BMPR1A: variants seen among roughly 807,000 people sequenced by gnomAD.
BMPR1A encodes bone morphogenetic protein receptor type 1A.
Under a neutral mutation model 66.0 loss-of-function variants are expected in BMPR1A, and 7 were observed. The observed-to-expected ratio is 0.11, with a 90% confidence interval of 0.06 to 0.20. The LOEUF (loss-of-function observed/expected upper bound fraction) is 0.20. Among genes scored for constraint, BMPR1A ranks in the 10% least tolerant of loss-of-function variants. The pLI is 1.00. For synonymous variants in BMPR1A, 200 were observed against 229.7 expected, an observed-to-expected ratio of 0.87 and a Z score of 1.17; for missense variants, 408 against 669.1, an observed-to-expected ratio of 0.61 and a Z score of 4.31.
intron 2 of BMPR1A, among the ~76,000 whole-genome samples, chr10:86,842,755 A>G (rs1457323431): frequency 6.6e-6 from 1 of 152,200 alleles, no homozygotes; most frequent in African/African-American, 2.4e-5. Context: ...CCTTACAATC[A>G]TGGCAGAAGG....
At chr10:86,859,183 A>G (rs898175923) in intron 2 of BMPR1A, among the ~76,000 whole-genome samples, 1 of 152,200 alleles carries the variant, frequency 6.6e-6, no homozygotes, top group Non-Finnish European at 1.5e-5. Flanking sequence ...TCTTCAATAA[A>G]TGGTGCTGGG....
intron 1 of BMPR1A, among the ~76,000 whole-genome samples, chr10:86,777,772 G>A (rs1841375895): frequency 6.6e-6 from 1 of 151,950 alleles, no homozygotes; most frequent in Non-Finnish European, 1.5e-5. Flanking sequence ...CCAGCACTTT[G>A]GAAGGCTGAG....
intron 5 of BMPR1A, among the ~76,000 whole-genome samples, chr10:86,895,030 G>A (rs1488072549): frequency 6.6e-6 from 1 of 152,154 alleles, no homozygotes; most frequent in East Asian, 1.9e-4. Flanking sequence ...CAAATAGAAG[G>A]CCTGAGGTGT....
chr10:86,789,042 A>T (rs530423044), intron 1 of BMPR1A, among the ~76,000 whole-genome samples: 1 of 152,312 alleles, frequency 6.6e-6, no homozygotes, highest in Non-Finnish European at 1.5e-5. Flanking sequence ...GGGTGTCAGG[A>T]CAATTCTAAG....
intron 2 of BMPR1A, among the ~76,000 whole-genome samples, 151 bp from the exon 3 acceptor site, chr10:86,875,716 C>T (rs2133318845): frequency 6.7e-6 from 1 of 149,466 alleles, no homozygotes; most frequent in East Asian, 1.9e-4. Flanking sequence ...AATTATAGTG[C>T]CTAAAAAAAA....
rs539055459 is a variant in BMPR1A at position 86,816,578 on chromosome 10, A to G, written c.-267-22287A>G. ...AAGTCGACCTACTGGATCAGGAGATACACTTCCTTGTCTTTAATTTCTGTC... is the reference window on the plus strand; with the variant it reads ...AAGTCGACCTACTGGATCAGGAGATGCACTTCCTTGTCTTTAATTTCTGTC... On this transcript the variant is annotated intron_variant, in intron 1 of 12. Transcript: ENST00000372037. Among the ~76,000 whole-genome samples, 14 of 152,334 alleles carry G rather than the reference A, an allele frequency of 9.2e-5. No homozygotes were observed. The South Asian group carries it at 2.9e-3, about 32-fold the overall frequency.
At chr10:86,796,415 A>G (rs1841709911) in intron 1 of BMPR1A, among the ~76,000 whole-genome samples, 1 of 152,038 alleles carries the variant, frequency 6.6e-6, no homozygotes, top group Non-Finnish European at 1.5e-5. Context: ...AATAATGTTC[A>G]TCAATTTACT....
chr10:86,917,889 C>G (rs1843600331), intron 9 of BMPR1A, among the ~76,000 whole-genome samples: 1 of 152,134 alleles, frequency 6.6e-6, no homozygotes, highest in Non-Finnish European at 1.5e-5. Context: ...TATTAGTTTC[C>G]TAGGGCTGCT....
At chr10:86,889,597 C>T (rs752556895) in intron 3 of BMPR1A, 9 of 169,470 alleles carry the variant, frequency 5.3e-5, no homozygotes, top group Non-Finnish European at 7.6e-5. Context: ...GGAGAGACCA[C>T]GGTCACGAAG....
At chr10:86,913,364 A>G (rs1843519835) in intron 8 of BMPR1A, among the ~76,000 whole-genome samples, 1 of 149,782 alleles carries the variant, frequency 6.7e-6, no homozygotes, top group African/African-American at 2.5e-5. Context: ...CCTGGCCTCA[A>G]CTGATCCTTC....
intron 3 of BMPR1A, among the ~76,000 whole-genome samples, chr10:86,878,890 A>G (rs981548158): frequency 6.6e-6 from 1 of 152,186 alleles, no homozygotes; most frequent in African/African-American, 2.4e-5. Context: ...AAGGGGGAAA[A>G]TAGGTATCAA....
chr10:86,838,450 G>C (rs1412142478), intron 1 of BMPR1A, among the ~76,000 whole-genome samples: 2 of 152,208 alleles, frequency 1.3e-5, no homozygotes, highest in Non-Finnish European at 2.9e-5. Context: ...ATTAGACTTT[G>C]TAATACAAAA....
intron 2 of BMPR1A, among the ~76,000 whole-genome samples, chr10:86,843,063 ATTC>A (rs1842445677): frequency 6.6e-6 from 1 of 152,216 alleles, no homozygotes; most frequent in South Asian, 2.1e-4. Context: ...AAGTTAGGCT[ATTC>A]TTAACTGTTT....
chr10:86,925,838 C>T lies in BMPR1A; in HGVS notation c.*2119C>T, dbSNP rs1054584076. On this transcript the variant is annotated 3_prime_UTR_variant, in exon 13 of 13. Coordinates refer to ENST00000372037, the MANE Select transcript of BMPR1A (RefSeq NM_004329.3). ...CGCTTCCCGGGTTCACGCCATTCTCCTGCCTCAGCCTCCCGAGTAGCTGGG... is the reference window on the plus strand; with the variant it reads ...CGCTTCCCGGGTTCACGCCATTCTCTTGCCTCAGCCTCCCGAGTAGCTGGG... 1 of 159,506 alleles carries T rather than the reference C, an allele frequency of 6.3e-6. No individual in the cohort carries two copies. The highest frequency in any genetic ancestry group is 1.3e-5 in the Non-Finnish European group (1 of 74,396). The allele number at this position is 159,506 out of a possible 1,614,324, so 9.9% of individuals were successfully genotyped here. A position where few individuals can be genotyped will look rare whatever the true frequency, so the allele number is the denominator to read the frequency against.
intron 1 of BMPR1A, among the ~76,000 whole-genome samples, chr10:86,837,219 A>C (rs888058184): frequency 5.8e-5 from 6 of 103,658 alleles, no homozygotes. Context: ...ATCTGGCAGA[A>C]TTAGAATCAG....
intron 7 of BMPR1A, 52 bp from the exon 8 acceptor site, chr10:86,912,188 G>T (rs2133543075): frequency 6.3e-7 from 1 of 1,596,644 alleles, no homozygotes; most frequent in East Asian, 2.2e-5. Flanking sequence ...TTTTTCTTAG[G>T]GTTTTATAGT....
chr10:86,855,916 G>T, intron 2 of BMPR1A: 3 of 655,494 alleles, frequency 4.6e-6, no homozygotes, highest in Non-Finnish European at 8.4e-6. Context: ...GGCTAGGATT[G>T]TTGATATCTG....
At chr10:86,910,268 G>T (rs533263307) in intron 7 of BMPR1A, among the ~76,000 whole-genome samples, 2 of 152,124 alleles carry the variant, frequency 1.3e-5, no homozygotes, top group Non-Finnish European at 2.9e-5. Context: ...AACCCGGGAG[G>T]CAAAGCTTGC....
intron 1 of BMPR1A, among the ~76,000 whole-genome samples, chr10:86,823,805 G>T (rs1170359141): frequency 1.3e-5 from 2 of 152,120 alleles, no homozygotes; most frequent in East Asian, 3.9e-4. Flanking sequence ...GTGTGAACTT[G>T]CACTACTCCC....
Sources: allele counts gnomAD v4.1 joint callset (sites outside exome capture counted in the v4.1 genomes callset), GRCh38; gene constraint gnomAD v4.1.1; transcripts MANE v1.5; gene names NCBI Gene and HGNC (gene_info 2026-07-23, HGNC 2026-07-21).